SLC6A17: variants seen among roughly 807,000 people sequenced by gnomAD.
The protein encoded by SLC6A17 is sodium-dependent neutral amino acid transporter SLC6A17.
In SLC6A17, 21 loss-of-function variants were observed where a neutral mutation model predicts 64.5. The observed-to-expected ratio is 0.33, with a 90% confidence interval of 0.23 to 0.47. The LOEUF (loss-of-function observed/expected upper bound fraction) is 0.47. SLC6A17 is among the 20% of genes least tolerant of loss of function. The pLI, the probability that SLC6A17 is intolerant of heterozygous loss-of-function variation, is 1.00. For synonymous variants in SLC6A17, 372 were observed against 399.5 expected (o/e 0.93, Z 0.82); for missense variants, 682 against 963.2 (o/e 0.71, Z 3.86).
At chr1:110,170,861 G>T (rs1481070046) in intron 2 of SLC6A17, among the ~76,000 whole-genome samples, 4 of 152,078 alleles carry the variant, frequency 2.6e-5, no homozygotes, top group African/African-American at 9.7e-5. Flanking sequence ...GTGTGTGTGT[G>T]TGTGTGTATA....
Position 110,198,432 on chromosome 1 carries a change from G to A in SLC6A17, c.2172G>A (p.Glu724=), listed in dbSNP as rs753812441. ...GSGYLLASTP[E]SEL ...GCTACCTGCTGGCCAGCACCCCTGA[G>A]TCGGAGCTGTGACCACTGCCCAAGC... is the stretch of plus-strand genomic sequence containing the variant. Residue 724 remains glutamate (E), a synonymous_variant, in exon 12 of 12, where the codon GAG becomes GAA. Transcript: ENST00000331565. The A allele has an allele frequency of 2.5e-6, 4 of 1,608,286 alleles. No homozygotes were observed. Among genetic ancestry groups the A allele is most frequent in the East Asian group, 4.5e-5 (2 of 44,818 alleles).
chr1:110,184,196 C>T (rs368547176), intron 6 of SLC6A17, among the ~76,000 whole-genome samples: 2 of 152,108 alleles, frequency 1.3e-5, no homozygotes, highest in Non-Finnish European at 2.9e-5. Flanking sequence ...CTGCAACCTC[C>T]GCCTCCCGGG....
At chr1:110,156,535 A>C (rs568925472) in intron 1 of SLC6A17, among the ~76,000 whole-genome samples, 1 of 152,308 alleles carries the variant, frequency 6.6e-6, no homozygotes, top group African/African-American at 2.4e-5. Context: ...ATATAGCTAC[A>C]GTTTGGTAGA....
chr1:110,159,261 T>C (rs983594028), intron 1 of SLC6A17, among the ~76,000 whole-genome samples: 1 of 152,174 alleles, frequency 6.6e-6, no homozygotes, highest in African/African-American at 2.4e-5. Flanking sequence ...AAAGAGAGAA[T>C]GCATGGGTTG....
intron 2 of SLC6A17, 62 bp downstream of exon 2, chr1:110,167,277 A>G: frequency 6.5e-7 from 1 of 1,548,862 alleles, no homozygotes; most frequent in Admixed American, 1.9e-5. Context: ...TGAGGGGTAA[A>G]AAAGAACACC....
intron 1 of SLC6A17, among the ~76,000 whole-genome samples, chr1:110,153,625 A>G (rs1655671897): frequency 6.6e-6 from 1 of 151,974 alleles, no homozygotes; most frequent in Non-Finnish European, 1.5e-5. Flanking sequence ...AGGATGGCAG[A>G]AACAGAGATG....
At chr1:110,168,467 T>C (rs1206569746) in intron 2 of SLC6A17, among the ~76,000 whole-genome samples, 1 of 152,206 alleles carries the variant, frequency 6.6e-6, no homozygotes, top group Admixed American at 6.5e-5. Context: ...GCTTCCATCT[T>C]TCCCCCATAG....
Position 110,171,089 on chromosome 1 carries a change from C to T in SLC6A17, c.287-971C>T, listed in dbSNP as rs1656211509. On this transcript the variant is annotated intron_variant, in intron 2 of 11. Transcript: ENST00000331565. ...AGTGTTCATTGGCAGATTGGGCACA[C>T]GTTGGTGAACATGTGGGATGTTATG... 2.6e-5 allele frequency among the ~76,000 whole-genome samples: 4 copies of T among 152,136 alleles called. No individual in the cohort carries two copies. In the South Asian group the frequency reaches 6.2e-4, roughly 24 times the overall value.
At chr1:110,196,462 G>A (rs1024647360) in intron 10 of SLC6A17, among the ~76,000 whole-genome samples, 1 of 152,106 alleles carries the variant, frequency 6.6e-6, no homozygotes, top group Non-Finnish European at 1.5e-5. Flanking sequence ...TCCTAGGAGA[G>A]CACAGGAGGG....
chr1:110,187,559 C>T (rs1286457437), intron 6 of SLC6A17, among the ~76,000 whole-genome samples: 1 of 152,216 alleles, frequency 6.6e-6, no homozygotes, highest in African/African-American at 2.4e-5. Flanking sequence ...CAGCTTTAGG[C>T]TAAACTTGAT....
At chr1:110,156,655 G>A (rs1557828385) in intron 1 of SLC6A17, among the ~76,000 whole-genome samples, 1 of 152,160 alleles carries the variant, frequency 6.6e-6, no homozygotes, top group Non-Finnish European at 1.5e-5. Flanking sequence ...GTTGTTGGGA[G>A]GATAAATAAC....
intron 9 of SLC6A17, 129 bp from the exon 10 acceptor site, chr1:110,195,456 TG>T: frequency 8.7e-7 from 1 of 1,153,454 alleles, no homozygotes; most frequent in Middle Eastern, 3.0e-4. Flanking sequence ...GGACTGAGCC[TG>T]CTGGCAGGAG....
chr1:110,170,874 T>C (rs1656206238), intron 2 of SLC6A17, among the ~76,000 whole-genome samples: 1 of 152,170 alleles, frequency 6.6e-6, no homozygotes, highest in South Asian at 2.1e-4. Flanking sequence ...TGTGTATACA[T>C]GTGTGCTCAT....
chr1:110,174,076 T>G lies in SLC6A17; in HGVS notation c.548T>G (p.Val183Gly). The G allele has an allele frequency of 6.2e-7, 1 of 1,614,148 alleles. No individual in the cohort carries two copies. The highest frequency in any genetic ancestry group is 8.5e-7 in the Non-Finnish European group (1 of 1,179,998). Reference protein sequence around the residue: ...QYPLPWSECPVVRNGSVAVVE... With the variant: ...QYPLPWSECPGVRNGSVAVVE... ...CCGCTGCCCTGGAGTGAATGTCCTG[T>G]CGTCAGGAATGGGAGCGTGGCAGGC... The change falls in exon 4 of 12, where the codon GTC becomes GGC. Residue 183 changes from valine (V) to glycine (G), a missense_variant. Val to Gly is a moderately radical substitution (Grantham distance 109). This residue lies in a region of SLC6A17 where 415 missense variants were observed against 603.8 expected (regional missense o/e 0.69). Coordinates refer to ENST00000331565, the MANE Select transcript of SLC6A17 (RefSeq NM_001010898.4).
intron 5 of SLC6A17, among the ~76,000 whole-genome samples, chr1:110,175,314 C>T (rs780442966): frequency 1.3e-5 from 2 of 152,216 alleles, no homozygotes; most frequent in African/African-American, 4.8e-5. Flanking sequence ...CCTAGAAGAG[C>T]CTGCTTTGAG....
chr1:110,190,617 G>A (rs1656800591), intron 6 of SLC6A17, among the ~76,000 whole-genome samples: 1 of 152,182 alleles, frequency 6.6e-6, no homozygotes, highest in Non-Finnish European at 1.5e-5. Flanking sequence ...CACTGTTCAG[G>A]TGAGGACTTA....
intron 2 of SLC6A17, among the ~76,000 whole-genome samples, chr1:110,171,111 T>G (rs995674470): frequency 6.6e-6 from 1 of 152,170 alleles, no homozygotes; most frequent in Non-Finnish European, 1.5e-5. Flanking sequence ...TGTGGGATGT[T>G]ATGTTATGGG....
chr1:110,183,252 T>TGTGGTATATGCATACA (rs1228167710), intron 6 of SLC6A17, among the ~76,000 whole-genome samples: 17 of 152,212 alleles, frequency 1.1e-4, no homozygotes, highest in Non-Finnish European at 2.9e-5. Context: ...ATTTTTAAAA[T>TGTGGTATATGCATACA]GTGGTATATG....
chr1:110,185,159 A>G (rs1283253798), intron 6 of SLC6A17, among the ~76,000 whole-genome samples: 3 of 152,198 alleles, frequency 2.0e-5, no homozygotes, highest in Non-Finnish European at 1.5e-5. Context: ...GTTGTTGGGC[A>G]AGTTCCTTTG....
Sources: gnomAD v4.1 joint callset for allele counts (sites outside exome capture counted in the v4.1 genomes callset) on GRCh38, gnomAD v4.1.1 for gene constraint, gnomAD v4.1.1 regional missense constraint, MANE v1.5 for transcripts, NCBI Gene and HGNC (gene_info 2026-07-23, HGNC 2026-07-21) for gene names.